CDH23: variants seen among roughly 807,000 people sequenced by gnomAD.
CDH23 encodes cadherin related 23.
CDH23 carries 189 observed loss-of-function variants against 317.1 expected under a neutral mutation model. The observed-to-expected ratio is 0.60, with a 90% confidence interval of 0.53 to 0.67. CDH23 has a LOEUF of 0.67. CDH23 is among the 30% of genes least tolerant of loss of function. The pLI is 0.00. For missense variants in CDH23, 4,401 were observed against 4,592.4 expected, an observed-to-expected ratio of 0.96 and a Z score of 1.20; for synonymous variants, 1,839 against 1,876.8, an observed-to-expected ratio of 0.98 and a Z score of 0.52.
At chr10:71,721,753 C>T (rs1866568776) in intron 28 of CDH23, among the ~76,000 whole-genome samples, 1 of 152,184 alleles carries the variant, frequency 6.6e-6, no homozygotes, top group Non-Finnish European at 1.5e-5. Context: ...GTCTATACTC[C>T]CTGTCCTGTG....
chr10:71,546,534 T>C (rs1014359354), intron 6 of CDH23, among the ~76,000 whole-genome samples: 1 of 152,202 alleles, frequency 6.6e-6, no homozygotes, highest in Non-Finnish European at 1.5e-5. Context: ...TAGGGAGGGC[T>C]TTCCAGAGGA....
intron 3 of CDH23, among the ~76,000 whole-genome samples, chr10:71,492,376 T>G (rs1392355118): frequency 2.6e-5 from 4 of 152,144 alleles, no homozygotes; most frequent in African/African-American, 7.2e-5. Flanking sequence ...CTCTAGGAGT[T>G]TTCCCTCTGC....
At chr10:71,441,734 A>C (rs562481988) in intron 2 of CDH23, among the ~76,000 whole-genome samples, 2 of 87,078 alleles carry the variant, frequency 2.3e-5, no homozygotes, top group African/African-American at 7.2e-5. Context: ...AAAAAGAAAA[A>C]AGAAAAAAAA....
intron 46 of CDH23, chr10:71,790,922 A>G (rs1422320101): frequency 1.0e-5 from 6 of 595,652 alleles, no homozygotes; most frequent in Non-Finnish European, 1.8e-5. Context: ...TGCAGAGGGG[A>G]CAACCACAGG....
Position 71,799,291 on chromosome 10 carries a change from AG to A in CDH23, c.7224+13del. 6.8e-6 allele frequency: 11 copies of A among 1,614,016 alleles called. No individual in the cohort carries two copies. Among genetic ancestry groups the A allele is most frequent in the Non-Finnish European group, 8.5e-6 (10 of 1,179,860 alleles). ...CAGCCCTCCTACCAGGTGGGTGGCC[AG>A]GCCACAGGCTGGGTCCAGGACCTGC... On this transcript the variant is annotated intron_variant, in intron 51 of 69. Coordinates refer to ENST00000224721, the MANE Select transcript of CDH23 (RefSeq NM_022124.6).
intron 6 of CDH23, among the ~76,000 whole-genome samples, chr10:71,547,017 T>C (rs1387385834): frequency 6.6e-6 from 1 of 152,210 alleles, no homozygotes; most frequent in Non-Finnish European, 1.5e-5. Flanking sequence ...TCAACAGTGA[T>C]GTTTTTCAGT....
chr10:71,740,357 C>G (rs72817954), intron 36 of CDH23, among the ~76,000 whole-genome samples: 4,529 of 152,338 alleles, frequency 0.03, 106 homozygotes, highest in Non-Finnish European at 0.048. Flanking sequence ...AGCCATAGGG[C>G]GCCAGCTCAT....
chr10:71,533,525 CCACACACACACACACACACACACACA>C (rs55659529), intron 6 of CDH23, among the ~76,000 whole-genome samples: 9 of 130,824 alleles, frequency 6.9e-5, no homozygotes, highest in African/African-American at 2.4e-4. Context: ...TGGCTGGACA[CCACACACACACACACACACACACACA>C]CACACACACA....
chr10:71,812,276 G>T, intron 66 of CDH23: 1 of 1,599,172 alleles, frequency 6.3e-7, no homozygotes, highest in Non-Finnish European at 8.5e-7. Flanking sequence ...CTGCACCAAA[G>T]GCAATCCAGA....
At chr10:71,439,001 G>A (rs1277372003) in intron 1 of CDH23, among the ~76,000 whole-genome samples, 1 of 152,172 alleles carries the variant, frequency 6.6e-6, no homozygotes, top group Non-Finnish European at 1.5e-5. Flanking sequence ...AGCCGCTGGA[G>A]GACCAGGGCC....
At chr10:71,791,453 G>T in intron 47 of CDH23, 118 bp downstream of exon 47, 1 of 834,900 alleles carries the variant, frequency 1.2e-6, no homozygotes, top group Non-Finnish European at 1.9e-6. Context: ...ATGGGCAGCA[G>T]GGTGAGTGTA....
At chr10:71,660,210 C>T (rs1435291868) in intron 14 of CDH23, among the ~76,000 whole-genome samples, 7 of 152,180 alleles carry the variant, frequency 4.6e-5, no homozygotes, top group Non-Finnish European at 8.8e-5. Context: ...CCACCCCGCT[C>T]GGCCTCCCAA....
intron 9 of CDH23, among the ~76,000 whole-genome samples, chr10:71,601,961 AG>A (rs35774888): frequency 0.49 from 68,492 of 140,046 alleles, 16,867 homozygotes; most frequent in East Asian, 0.7. Flanking sequence ...TGGGCGGCGG[AG>A]GGGGGGGGGC....
chr10:71,593,552 T>C (rs1859640047), intron 9 of CDH23, among the ~76,000 whole-genome samples: 1 of 152,134 alleles, frequency 6.6e-6, no homozygotes, highest in Non-Finnish European at 1.5e-5. Context: ...TTTGCAACAA[T>C]TAAAACCAAG....
At chr10:71,535,323 A>C (rs1438981450) in intron 6 of CDH23, among the ~76,000 whole-genome samples, 1 of 152,008 alleles carries the variant, frequency 6.6e-6, no homozygotes, top group East Asian at 1.9e-4. Flanking sequence ...GAGGAGGGTG[A>C]GCTCTGATTC....
Position 71,802,663 on chromosome 10 carries a change from T to G in CDH23, c.7483-235T>G, listed in dbSNP as rs180969550. ...GTTAACCACTGTTCTAGTTGTTGAG[T>G]GTTTACTTGAGCCACGCACTGTGCC... On this transcript the variant is annotated intron_variant, in intron 53 of 69. Transcript: ENST00000224721. Among the ~76,000 whole-genome samples the G allele has an allele frequency of 3.3e-4, 50 of 152,248 alleles. No homozygotes were observed. In the South Asian group the frequency reaches 8.1e-3, roughly 25 times the overall value.
At chr10:71,414,047 T>TTG (rs34017042) in intron 1 of CDH23, among the ~76,000 whole-genome samples, 42,547 of 142,788 alleles carry the variant, frequency 0.3, 6,767 homozygotes, top group Non-Finnish European at 0.37. Flanking sequence ...CTCCTGGGTT[T>TTG]TGTGTGTGTG....
intron 19 of CDH23, among the ~76,000 whole-genome samples, chr10:71,688,902 A>C (rs374020932): frequency 3.0e-5 from 1 of 33,408 alleles, no homozygotes. Flanking sequence ...GGAGCCAGGG[A>C]TGGTGGAGCC....
chr10:71,814,622 G>C (rs1383092336), intron 69 of CDH23, among the ~76,000 whole-genome samples: 1 of 145,210 alleles, frequency 6.9e-6, no homozygotes, highest in Non-Finnish European at 1.5e-5. Context: ...TCGCGCCACT[G>C]CGAGACTCTG....
Sources: allele counts gnomAD v4.1 joint callset (sites outside exome capture counted in the v4.1 genomes callset), GRCh38; gene constraint gnomAD v4.1.1; transcripts MANE v1.5; gene names NCBI Gene and HGNC (gene_info 2026-07-23, HGNC 2026-07-21).